The following NBEA variants were observed in gnomAD, a reference collection of about 807,000 sequenced individuals.
NBEA encodes neurobeachin.
In NBEA, 44 loss-of-function variants were observed where a neutral mutation model predicts 343.4. The ratio of observed to expected loss-of-function variants is 0.13; its 90% CI spans 0.10 to 0.16. The LOEUF is 0.16. Ranked by LOEUF, NBEA falls within the 10% of genes least tolerant of loss-of-function variation. NBEA has a pLI of 1.00. For synonymous variants in NBEA, 1,175 were observed against 1,238.7 expected (o/e 0.95, Z 1.08); for missense variants, 2,555 against 3,631.3 (o/e 0.70, Z 7.62).
At chr13:35,080,905 G>C (rs2064357630) in intron 10 of NBEA, among the ~76,000 whole-genome samples, 1 of 152,060 alleles carries the variant, frequency 6.6e-6, no homozygotes, top group African/African-American at 2.4e-5. Context: ...ATAGTGAATA[G>C]GACCAGGTAT....
chr13:34,993,101 A>G (rs979248267), intron 1 of NBEA, among the ~76,000 whole-genome samples: 1 of 152,160 alleles, frequency 6.6e-6, no homozygotes, highest in Non-Finnish European at 1.5e-5. Flanking sequence ...CTATACTGCA[A>G]ACACACTAGC....
intron 39 of NBEA, among the ~76,000 whole-genome samples, chr13:35,446,937 TATG>T (rs760557711): frequency 3.9e-5 from 6 of 152,096 alleles, no homozygotes; most frequent in Non-Finnish European, 7.4e-5. Flanking sequence ...ACTGGCTTAT[TATG>T]TGGTTATATC....
At chr13:35,477,411 T>C (rs964624871) in intron 41 of NBEA, among the ~76,000 whole-genome samples, 9 of 152,236 alleles carry the variant, frequency 5.9e-5, no homozygotes, top group African/African-American at 2.2e-4. Context: ...CCCCAGCAGA[T>C]GCAGTCTTTG....
At chr13:35,301,841 G>T (rs1236683278) in intron 35 of NBEA, among the ~76,000 whole-genome samples, 2 of 152,102 alleles carry the variant, frequency 1.3e-5, no homozygotes, top group Non-Finnish European at 2.9e-5. Flanking sequence ...ATCCTCGCCA[G>T]CATCTGTTGC....
intron 11 of NBEA, among the ~76,000 whole-genome samples, chr13:35,107,466 A>C (rs1322354875): frequency 6.6e-6 from 1 of 151,972 alleles, no homozygotes; most frequent in Non-Finnish European, 1.5e-5. Context: ...TTAACCTTAT[A>C]ATAATTTGAA....
chr13:35,602,207 T>C (rs2082085060), intron 47 of NBEA, among the ~76,000 whole-genome samples: 1 of 152,218 alleles, frequency 6.6e-6, no homozygotes, highest in Admixed American at 6.5e-5. Flanking sequence ...TTCTTTGGTT[T>C]ATATTTTTGA....
intron 38 of NBEA, among the ~76,000 whole-genome samples, chr13:35,378,943 G>A (rs2041877160): frequency 6.6e-6 from 1 of 151,990 alleles, no homozygotes. Context: ...TATTACATTT[G>A]TGACATTCAT....
In NBEA at chr13:35,555,059, A is replaced by G; in HGVS notation, c.6879A>G (p.Glu2293=). 1 of 1,612,070 alleles carries G rather than the reference A, an allele frequency of 6.2e-7. No homozygotes were observed. Among genetic ancestry groups the G allele is most frequent in the Non-Finnish European group, 8.5e-7 (1 of 1,178,656 alleles). Residue 2293 remains glutamate (E), a synonymous_variant, in exon 44 of 59, where the codon GAA becomes GAG. Coordinates refer to ENST00000379939, the MANE Select transcript of NBEA (RefSeq NM_001385012.1). ...SNMTQRWQRR[E]ISNFEYLMFL... ...TGACTCAGCGCTGGCAAAGAAGGGA[A>G]ATTTCAAACTTCGAATATTTGATGT...
intron 38 of NBEA, among the ~76,000 whole-genome samples, chr13:35,422,561 G>C (rs1357171878): frequency 1.3e-5 from 2 of 152,026 alleles, no homozygotes; most frequent in African/African-American, 4.8e-5. Context: ...TTGGACATTT[G>C]GGTTGGTTCC....
In NBEA at chr13:35,452,202, C is replaced by G. The variant is rs760042523; in HGVS notation, c.6415C>G (p.Leu2139Val). ...MLEGDDDAVS[L>V]LQEKEIDNLA... ...GGAAGGAGACGATGATGCAGTCAGT[C>G]TGCTACAGGAGAAAGAAATTGACAA... is the stretch of plus-strand genomic sequence containing the variant. Residue 2139 changes from leucine (L) to valine (V), a missense_variant, in exon 40 of 59, where the codon CTG becomes GTG. Around this residue, in one of 21 missense-constraint regions of NBEA, gnomAD observed 246 missense variants for 313.7 expected, o/e 0.78. Transcript: ENST00000379939. 2.3e-5 allele frequency: 36 copies of G among 1,596,216 alleles called. No homozygotes were observed. The highest frequency in any genetic ancestry group is 2.6e-5 in the Non-Finnish European group (31 of 1,170,506).
chr13:35,011,220 A>G (rs550016193), intron 1 of NBEA, among the ~76,000 whole-genome samples: 2 of 152,242 alleles, frequency 1.3e-5, no homozygotes, highest in African/African-American at 2.4e-5. Context: ...CCTTTCATCA[A>G]TAAGAGTAAG....
chr13:35,028,133 G>GA (rs1482826262), intron 1 of NBEA, among the ~76,000 whole-genome samples: 1 of 151,714 alleles, frequency 6.6e-6, no homozygotes, highest in Non-Finnish European at 1.5e-5. Context: ...GTTTGTTCAA[G>GA]AAAAAATTTA....
At chr13:35,664,339 G>A (rs118105116) in intron 55 of NBEA, among the ~76,000 whole-genome samples, 4,271 of 152,222 alleles carry the variant, frequency 0.028, 89 homozygotes, top group South Asian at 0.059. Context: ...TAGGGGATCG[G>A]GGGTGGTTAC....
At chr13:35,266,646 T>C (rs896938752) in intron 34 of NBEA, among the ~76,000 whole-genome samples, 1 of 151,620 alleles carries the variant, frequency 6.6e-6, no homozygotes, top group African/African-American at 2.4e-5. Flanking sequence ...GACTCATAGG[T>C]ATAGAGAGTG....
chr13:35,584,038 T>A lies in NBEA; in HGVS notation c.7176T>A (p.Ile2392=). ...ATSTLSWLVR[I]EPFTTFFLNA... is the part of the protein sequence containing the mutation. ...CTACTTTATCCTGGCTTGTTCGAAT[T>A]GTGAGTATCTTCATTGAGTTAGCTT... The change falls in exon 46 of 59, where the codon ATT becomes ATA. Residue 2392 remains isoleucine, a splice_region_variant and synonymous_variant. Coordinates refer to ENST00000379939, the MANE Select transcript of NBEA (RefSeq NM_001385012.1). 3.1e-6 allele frequency: 5 copies of A among 1,613,026 alleles called. No homozygotes were observed. Among genetic ancestry groups the A allele is most frequent in the Non-Finnish European group, 4.2e-6 (5 of 1,179,540 alleles).
At chr13:35,207,577 T>G (rs2073480078) in intron 31 of NBEA, among the ~76,000 whole-genome samples, 1 of 152,164 alleles carries the variant, frequency 6.6e-6, no homozygotes. Context: ...AGAGAAGTAG[T>G]TTCTTTATAC....
At chr13:35,489,115 T>G (rs1265892886) in intron 41 of NBEA, among the ~76,000 whole-genome samples, 1 of 151,808 alleles carries the variant, frequency 6.6e-6, no homozygotes, top group African/African-American at 2.4e-5. Context: ...CATTACTACT[T>G]TATTTATTAC....
At chr13:35,592,276 C>T (rs569752457) in intron 46 of NBEA, among the ~76,000 whole-genome samples, 33 of 152,140 alleles carry the variant, frequency 2.2e-4, no homozygotes, top group Non-Finnish European at 4.6e-4. Context: ...GTCATTTGTA[C>T]TTACTTTATT....
At chr13:35,347,671 C>T (rs1315660644) in intron 36 of NBEA, among the ~76,000 whole-genome samples, 2 of 151,956 alleles carry the variant, frequency 1.3e-5, no homozygotes, top group Non-Finnish European at 2.9e-5. Flanking sequence ...TCTTCCCCTC[C>T]TCTTCCTCCT....
Sources: gnomAD v4.1 joint callset for allele counts (sites outside exome capture counted in the v4.1 genomes callset) on GRCh38, gnomAD v4.1.1 for gene constraint, gnomAD v4.1.1 regional missense constraint, MANE v1.5 for transcripts, NCBI Gene and HGNC (gene_info 2026-07-23, HGNC 2026-07-21) for gene names.